The following ATXN7 variants were observed in gnomAD, a reference collection of about 807,000 sequenced individuals.
ATXN7 encodes ataxin-7.
Under a neutral mutation model 70.5 loss-of-function variants are expected in ATXN7, and 12 were observed. The ratio of observed to expected loss-of-function variants is 0.17; its 90% CI spans 0.11 to 0.28. The LOEUF is 0.28. Ranked by LOEUF, ATXN7 falls within the 10% of genes least tolerant of loss-of-function variation. ATXN7 has a pLI of 1.00. For synonymous variants in ATXN7, 498 were observed against 448.7 expected, an observed-to-expected ratio of 1.11 and a Z score of -1.39; for missense variants, 1,256 against 1,131.7, an observed-to-expected ratio of 1.11 and a Z score of -1.58.
At chr3:63,874,742 G>A (rs1320276244) in intron 1 of ATXN7, among the ~76,000 whole-genome samples, 1 of 152,174 alleles carries the variant, frequency 6.6e-6, no homozygotes, top group African/African-American at 2.4e-5. Context: ...AACTGGAGAT[G>A]GGTAAACTAA....
intron 2 of ATXN7, among the ~76,000 whole-genome samples, chr3:63,898,982 G>C (rs912528733): frequency 1.3e-5 from 2 of 152,054 alleles, no homozygotes; most frequent in Non-Finnish European, 2.9e-5. Flanking sequence ...CATTGCCTTT[G>C]CCCAGGCTGA....
chr3:63,959,574 C>A (rs2075091573), intron 5 of ATXN7, among the ~76,000 whole-genome samples: 2 of 152,228 alleles, frequency 1.3e-5, no homozygotes, highest in South Asian at 4.1e-4. Context: ...ACAGTGTATT[C>A]ATTTTTTTCT....
In ATXN7 at chr3:64,002,270, G is replaced by T. The variant is rs2075841173; in HGVS notation, c.*2803G>T. On this transcript the variant is annotated 3_prime_UTR_variant, in exon 13 of 13. Transcript: ENST00000674280. ...TAAATACCTTTTTATAATTTGAAGT[G>T]GTTCACTGCCAAGCCAATAGTTCTA... 6.6e-6 allele frequency: 1 copy of T among 152,264 alleles called. No individual in the cohort carries two copies. Among genetic ancestry groups the T allele is most frequent in the Admixed American group, 6.6e-5 (1 of 15,226 alleles). The allele number at this position is 152,264 out of a possible 1,614,324, so 9.4% of individuals were successfully genotyped here.
chr3:63,974,313 A>G (rs1388045067), intron 5 of ATXN7, among the ~76,000 whole-genome samples: 1 of 152,236 alleles, frequency 6.6e-6, no homozygotes, highest in East Asian at 1.9e-4. Flanking sequence ...TCGATGACAA[A>G]TGTTCAGCCT....
chr3:63,919,681 T>C (rs1460915006), intron 4 of ATXN7, among the ~76,000 whole-genome samples: 1 of 151,498 alleles, frequency 6.6e-6, no homozygotes, highest in African/African-American at 2.4e-5. Flanking sequence ...ACATGCGCCA[T>C]GTTGGTGTGC....
At chr3:63,931,088 T>C (rs1299217304) in intron 4 of ATXN7, among the ~76,000 whole-genome samples, 1 of 152,058 alleles carries the variant, frequency 6.6e-6, no homozygotes, top group Non-Finnish European at 1.5e-5. Flanking sequence ...TAATGGTATA[T>C]ACAGTAGAAG....
rs112148810 is a variant in ATXN7, at chr3:63,992,685, G to C, written c.1682+1826G>C. Among the ~76,000 whole-genome samples, 848 of 152,274 alleles carry C rather than the reference G, an allele frequency of 5.6e-3. 7 individuals carry two copies. Among genetic ancestry groups the C allele is most frequent in the Admixed American group, 0.011 (165 of 15,308 alleles). On this transcript the variant is annotated intron_variant, in intron 11 of 12. Coordinates refer to ENST00000674280, the MANE Select transcript of ATXN7 (RefSeq NM_001377405.1). ...TAAGGTCGACTCTGCTGTCTACTCT[G>C]TTCTGTCTGAAGGCTGCCTACTTGC...
intron 12 of ATXN7, chr3:63,998,675 A>G (rs1482175708): frequency 1.0e-6 from 1 of 985,386 alleles, no homozygotes; most frequent in Non-Finnish European, 1.2e-6. Context: ...TTAGAGATCA[A>G]AGGATCATTG....
chr3:63,961,571 A>G (rs1157661486), intron 5 of ATXN7, among the ~76,000 whole-genome samples: 1 of 152,110 alleles, frequency 6.6e-6, no homozygotes, highest in African/African-American at 2.4e-5. Context: ...GTTTCTGGCA[A>G]TATCTATCTT....
In ATXN7 at chr3:63,912,684, G is replaced by GGCA. The variant is rs193922929; in HGVS notation, c.116_118dup (p.Gln39dup). On this transcript the variant is annotated inframe_insertion, in exon 3 of 13. Coordinates refer to ENST00000674280, the MANE Select transcript of ATXN7 (RefSeq NM_001377405.1). ...GGCGGAGCAGCGGCCGCGGCCGCCC[G>GGCA]GCAGCAGCAGCAGCAGCAGCAGCAG... 0.033 allele frequency: 35,432 copies of GGCA among 1,083,874 alleles called. 941 individuals are homozygous for GGCA. The highest frequency in any genetic ancestry group is 0.16 in the African/African-American group (9,137 of 57,666). The allele number at this position is 1,083,874 out of a possible 1,614,324, so 67.1% of individuals were successfully genotyped here. A position where few individuals can be genotyped will look rare whatever the true frequency, so the allele number is the denominator to read the frequency against.
chr3:63,879,553 G>A (rs1442261475), intron 1 of ATXN7, among the ~76,000 whole-genome samples: 4 of 149,464 alleles, frequency 2.7e-5, no homozygotes, highest in South Asian at 2.1e-4. Flanking sequence ...GTACAGTGGC[G>A]CGATCTCGGC....
At chr3:63,953,863 G>GT (rs1487017163) in intron 5 of ATXN7, among the ~76,000 whole-genome samples, 1 of 151,984 alleles carries the variant, frequency 6.6e-6, no homozygotes, top group Non-Finnish European at 1.5e-5. Context: ...GGCCAGGCTG[G>GT]TCTCGAACTC....
rs369875929 is a variant in ATXN7 at position 63,963,791 on chromosome 3, G to T, written c.499+11308G>T. On this transcript the variant is annotated intron_variant, in intron 5 of 12. Transcript: ENST00000674280. ...TCATTTTGTTTCTTGCTTTTTGTCT[G>T]TGTGAACCAAACAGCAGTACCCACT... 1.9e-4 allele frequency among the ~76,000 whole-genome samples: 29 copies of T among 152,180 alleles called. 1 individual carries two copies. The highest frequency in any genetic ancestry group is 6.7e-4 in the African/African-American group (28 of 41,506).
chr3:63,871,214 A>AT (rs934165677), intron 1 of ATXN7, among the ~76,000 whole-genome samples: 1 of 152,150 alleles, frequency 6.6e-6, no homozygotes, highest in African/African-American at 2.4e-5. Context: ...GTATTGTAGG[A>AT]TTTTTCCCCC....
At chr3:63,903,395 A>AG (rs1420958064) in intron 2 of ATXN7, among the ~76,000 whole-genome samples, 3 of 151,574 alleles carry the variant, frequency 2.0e-5, no homozygotes. Flanking sequence ...TCAAAAAAAA[A>AG]AAAAAAAAAA....
chr3:63,932,507 C>T (rs557890713), intron 4 of ATXN7, among the ~76,000 whole-genome samples: 1 of 152,276 alleles, frequency 6.6e-6, no homozygotes, highest in Admixed American at 6.5e-5. Flanking sequence ...TTCTAATACT[C>T]TCATATAATA....
At chr3:63,940,889 A>T (rs939480064) in intron 4 of ATXN7, among the ~76,000 whole-genome samples, 5 of 152,198 alleles carry the variant, frequency 3.3e-5, no homozygotes, top group African/African-American at 1.2e-4. Flanking sequence ...GATTTGGGAC[A>T]CATGGCATTG....
chr3:63,982,643 T>TGTGTGTGC (rs1363350127), intron 7 of ATXN7, among the ~76,000 whole-genome samples, 198 bp downstream of exon 7: 8 of 151,622 alleles, frequency 5.3e-5, no homozygotes, highest in Admixed American at 3.3e-4. Context: ...TGTGTGTGTG[T>TGTGTGTGC]GTGTGTGTGT....
Position 63,993,275 on chromosome 3 carries a change from A to ATTTTT in ATXN7, c.1683-2212_1683-2208dup, listed in dbSNP as rs556994956. Among the ~76,000 whole-genome samples, 227 of 115,974 alleles carry ATTTTT rather than the reference A, an allele frequency of 2.0e-3. 1 individual carries two copies. The highest frequency in any genetic ancestry group is 7.1e-3 in the African/African-American group (219 of 30,776). The allele number at this position is 115,974 out of a possible 152,430, so 76.1% of individuals were successfully genotyped here. On this transcript the variant is annotated intron_variant, in intron 11 of 12. Coordinates refer to ENST00000674280, the MANE Select transcript of ATXN7 (RefSeq NM_001377405.1). The stretch of plus-strand genomic sequence containing the variant: ...GGTTTTCAAAGATTTTTGTTGGTGT[A>ATTTTT]TTTTTTTTTTTTTTTTTTTTTTACT...
Sources: allele counts gnomAD v4.1 joint callset (sites outside exome capture counted in the v4.1 genomes callset), GRCh38; gene constraint gnomAD v4.1.1; transcripts MANE v1.5; gene names NCBI Gene and HGNC (gene_info 2026-07-23, HGNC 2026-07-21).